Variants in MECR observed in about 807,000 individuals in gnomAD.
MECR encodes the protein enoyl-[acyl-carrier-protein] reductase, mitochondrial.
A neutral mutation model predicts 49.1 loss-of-function variants in MECR; 37 were observed. The observed-to-expected ratio is 0.75, with a 90% CI of 0.58 to 0.99. MECR has a LOEUF of 0.99. Among genes scored for constraint, MECR ranks in the 50% least tolerant of loss-of-function variants. The pLI, the probability that MECR is intolerant of heterozygous loss-of-function variation, is 0.00. For synonymous variants in MECR, 198 were observed against 191.1 expected (o/e 1.04, Z -0.30); for missense variants, 470 against 479.6 (o/e 0.98, Z 0.19).
rs1401657894 is a variant in MECR, at chr1:29,193,249, G to T, written c.*773C>A. The T allele has an allele frequency of 3.8e-5, 7 of 186,260 alleles. No individual in the cohort carries two copies. Among genetic ancestry groups the T allele is most frequent in the Non-Finnish European group, 6.8e-5 (6 of 88,880 alleles). 11.5% of individuals were successfully genotyped at this position (186,260 alleles called of 1,614,324 possible). On this transcript the variant is annotated 3_prime_UTR_variant, in exon 10 of 10. Transcript: ENST00000263702. The stretch of plus-strand genomic sequence containing the variant: ...TGTGAGCCACCGCGCCAGGCCTTGG[G>T]TAATTCTTTGTTGCAGTAGACTGTT...
At chr1:29,194,206 A>G in intron 9 of MECR, 27 bp from the exon 10 acceptor site, 1 of 1,579,824 alleles carries the variant, frequency 6.3e-7, no homozygotes, top group Non-Finnish European at 8.6e-7. Context: ...GAAATCAGAC[A>G]AGAGAACAGC....
At chr1:29,207,128 A>AT (rs561895020) in intron 3 of MECR, among the ~76,000 whole-genome samples, 3 of 149,796 alleles carry the variant, frequency 2.0e-5, no homozygotes, top group South Asian at 2.1e-4. Flanking sequence ...ATTCTTTTTA[A>AT]TTTTTTTTTT....
chr1:29,211,769 A>G (rs2151885555), intron 3 of MECR, among the ~76,000 whole-genome samples: 1 of 152,330 alleles, frequency 6.6e-6, no homozygotes, highest in East Asian at 1.9e-4. Flanking sequence ...AAGGTTTTGC[A>G]TATTTCCCAA....
intron 9 of MECR, among the ~76,000 whole-genome samples, chr1:29,195,727 G>T (rs1673813061): frequency 6.6e-6 from 1 of 152,194 alleles, no homozygotes; most frequent in South Asian, 2.1e-4. Flanking sequence ...CAGGACGGGG[G>T]CAGTGTCTGT....
intron 8 of MECR, 23 bp from the exon 9 acceptor site, chr1:29,196,036 C>G: frequency 1.2e-6 from 2 of 1,613,924 alleles, no homozygotes; most frequent in Non-Finnish European, 1.7e-6. Context: ...GAAGGACATG[C>G]TGGGCTCTGA....
intron 4 of MECR, among the ~76,000 whole-genome samples, chr1:29,205,042 A>G (rs2151867434): frequency 6.6e-6 from 1 of 152,336 alleles, no homozygotes; most frequent in East Asian, 1.9e-4. Flanking sequence ...ACTGCGGCTC[A>G]CGGATGTGCA....
rs536434736 is a variant in MECR, at chr1:29,223,258, C to A, written c.177-6573G>T. On this transcript the variant is annotated intron_variant, in intron 1 of 9. Coordinates refer to ENST00000263702, the MANE Select transcript of MECR (RefSeq NM_016011.5). ...TGGCTCCTTTGAGGCCAAGGCTGTA[C>A]ACCTGTGATGCCATATGAAGTACAA... 3 of 985,396 alleles carry A rather than the reference C, an allele frequency of 3.0e-6. No homozygotes were observed. The East Asian group carries it at 3.4e-4, about 112-fold the overall frequency. 61.0% of individuals were successfully genotyped at this position (985,396 alleles called of 1,614,324 possible). A position where few individuals can be genotyped will look rare whatever the true frequency, so the allele number is the denominator to read the frequency against.
the MECR span, among the ~76,000 whole-genome samples, chr1:29,177,282 T>G: frequency 1.4e-5 from 2 of 138,106 alleles, no homozygotes; most frequent in African/African-American, 5.4e-5. Context: ...TAACTCTTTT[T>G]GTTTTTTTTT....
the MECR span, among the ~76,000 whole-genome samples, chr1:29,179,601 A>C: frequency 4.6e-5 from 7 of 152,308 alleles, no homozygotes; most frequent in Admixed American, 1.3e-4. Context: ...TTCACACTTC[A>C]GCTGGGATTG....
rs1673868282 is a variant in MECR at position 29,195,969 on chromosome 1, C to A, written c.936G>T (p.Leu312Phe). 1 of 1,614,212 alleles carries A rather than the reference C, an allele frequency of 6.2e-7. No individual in the cohort carries two copies. The change falls in exon 9 of 10, where the codon TTG becomes TTT. Residue 312 changes from leucine (L) to phenylalanine (F), a missense_variant. Leu to Phe is a conservative substitution (Grantham distance 22). Coordinates refer to ENST00000263702, the MANE Select transcript of MECR (RefSeq NM_016011.5). ...FKDLKLRGFW[L>F]SQWKKDHSPD... ...GACTGTGATCCTTCTTCCACTGGGA[C>A]AACCAAAAGCCTCGAAGTTTGAGAT...
chr1:29,194,322 C>T, intron 9 of MECR, 143 bp from the exon 10 acceptor site: 3 of 909,488 alleles, frequency 3.3e-6, no homozygotes, highest in Non-Finnish European at 4.9e-6. Flanking sequence ...GATAGGGTGG[C>T]TGTGGAGGCA....
the MECR span, chr1:29,181,546 C>T: frequency 9.3e-7 from 1 of 1,073,430 alleles, no homozygotes; most frequent in Non-Finnish European, 1.3e-6. Context: ...GGCCGGTAGC[C>T]GCTCCGCGCG....
chr1:29,206,966 C>T, intron 3 of MECR, 61 bp from the exon 4 acceptor site: 1 of 1,590,910 alleles, frequency 6.3e-7, no homozygotes, highest in Non-Finnish European at 8.6e-7. Context: ...TCAACCCCAG[C>T]TCACCCTCCT....
At chr1:29,190,761 C>T (rs10915237), downstream of MECR, among the ~76,000 whole-genome samples, 17,260 of 144,704 alleles carry the variant, frequency 0.12, 1,352 homozygotes, top group East Asian at 0.42. Flanking sequence ...TGCACTCCAA[C>T]GTAGGTGACA....
chr1:29,204,348 G>T (rs1048275728), intron 4 of MECR, among the ~76,000 whole-genome samples: 20 of 152,166 alleles, frequency 1.3e-4, no homozygotes, highest in Admixed American at 5.9e-4. Flanking sequence ...TGAAACTAGA[G>T]ATAGAGGACT....
chr1:29,185,211 C>T, the MECR span, among the ~76,000 whole-genome samples: 3,708 of 152,276 alleles, frequency 0.024, 166 homozygotes, highest in African/African-American at 0.084. Context: ...TGAGCCACTG[C>T]ACCCAACCTC....
intron 3 of MECR, among the ~76,000 whole-genome samples, chr1:29,210,077 C>A (rs1199675317): frequency 3.3e-5 from 5 of 150,580 alleles, no homozygotes; most frequent in Non-Finnish European, 7.4e-5. Flanking sequence ...GTGGCACGAT[C>A]TCAGCTCACT....
At chr1:29,192,137 A>C (rs766887073), downstream of MECR, among the ~76,000 whole-genome samples, 17 of 151,490 alleles carry the variant, frequency 1.1e-4, no homozygotes, top group Non-Finnish European at 2.1e-4. Flanking sequence ...ATATTGCTCC[A>C]CTGCCTAAAA....
chr1:29,205,586 C>CT (rs1372448359), intron 4 of MECR, among the ~76,000 whole-genome samples: 4 of 151,486 alleles, frequency 2.6e-5, no homozygotes, highest in Non-Finnish European at 4.4e-5. Context: ...AATCCCAGCA[C>CT]TTTGGGAGGC....
Sources: allele counts gnomAD v4.1 joint callset (sites outside exome capture counted in the v4.1 genomes callset), GRCh38; gene constraint gnomAD v4.1.1; transcripts MANE v1.5; gene names NCBI Gene and HGNC (gene_info 2026-07-23, HGNC 2026-07-21).